The following ZHX2 variants were observed in gnomAD, a reference collection of about 807,000 sequenced individuals.
ZHX2 encodes zinc fingers and homeoboxes protein 2.
ZHX2 carries 6 observed loss-of-function variants against 21.9 expected under a neutral mutation model. The observed-to-expected ratio is 0.27, with a 90% confidence interval of 0.15 to 0.54. The LOEUF is 0.54. Among genes scored for constraint, ZHX2 ranks in the 20% least tolerant of loss-of-function variants. The pLI is 0.95. For synonymous variants in ZHX2, 434 were observed against 437.1 expected (o/e 0.99, Z 0.09); for missense variants, 908 against 1,090.7 (o/e 0.83, Z 2.36).
intron 3 of ZHX2, among the ~76,000 whole-genome samples, chr8:122,971,135 G>C (rs1305392156): frequency 6.6e-6 from 1 of 152,172 alleles, no homozygotes; most frequent in Non-Finnish European, 1.5e-5. Flanking sequence ...GTAAGGAGTA[G>C]ATGAGATGAG....
At chr8:122,955,245 G>A (rs976382923) in intron 3 of ZHX2, among the ~76,000 whole-genome samples, 1 of 120,976 alleles carries the variant, frequency 8.3e-6, no homozygotes, top group African/African-American at 3.6e-5. Flanking sequence ...GGCAGGGGGA[G>A]GGCTGGTGGG....
chr8:122,922,852 CCAGCATAGA>C lies in ZHX2; in HGVS notation c.-219-28439_-219-28431del, dbSNP rs141638355. 2.3e-3 allele frequency among the ~76,000 whole-genome samples: 351 copies of C among 152,310 alleles called. 1 individual carries two copies. Among genetic ancestry groups the C allele is most frequent in the African/African-American group, 8.0e-3 (333 of 41,570 alleles). On this transcript the variant is annotated intron_variant, in intron 2 of 3. Coordinates refer to ENST00000314393, the MANE Select transcript of ZHX2 (RefSeq NM_014943.5). Reference sequence around the variant, plus strand: ...ACACATGAACCACCTAGCAGAGTGGCCAGCATAGAGCTGTTAGTAATATTGTGTAATAGA... The same window carrying C: ...ACACATGAACCACCTAGCAGAGTGGCGCTGTTAGTAATATTGTGTAATAGA...
intron 1 of ZHX2, among the ~76,000 whole-genome samples, chr8:122,831,248 G>C (rs902672529): frequency 6.7e-6 from 1 of 150,072 alleles, no homozygotes; most frequent in South Asian, 2.1e-4. Context: ...ATCTTGCCCA[G>C]GTACCTGGCC....
At chr8:122,867,453 C>T (rs1819326932) in intron 2 of ZHX2, among the ~76,000 whole-genome samples, 1 of 152,224 alleles carries the variant, frequency 6.6e-6, no homozygotes, top group South Asian at 2.1e-4. Context: ...GCCATTTACT[C>T]TCTTTGCATG....
chr8:122,855,146 G>C (rs1454718400), intron 1 of ZHX2, among the ~76,000 whole-genome samples: 1 of 152,178 alleles, frequency 6.6e-6, no homozygotes, highest in Admixed American at 6.5e-5. Context: ...ACACTTTACT[G>C]CCTCCATTTC....
chr8:122,783,764 C>CA (rs1817338620), intron 1 of ZHX2, among the ~76,000 whole-genome samples: 1 of 152,058 alleles, frequency 6.6e-6, no homozygotes, highest in South Asian at 2.1e-4. Flanking sequence ...ATGGGACTAC[C>CA]ATAAAGGTTT....
intron 1 of ZHX2, among the ~76,000 whole-genome samples, chr8:122,862,042 T>G (rs999454754): frequency 1.3e-5 from 2 of 152,140 alleles, no homozygotes; most frequent in African/African-American, 4.8e-5. Context: ...CCCAGAACCT[T>G]CAACTGGGGA....
chr8:122,963,891 G>A (rs765886313), intron 3 of ZHX2, among the ~76,000 whole-genome samples: 1 of 150,722 alleles, frequency 6.6e-6, no homozygotes, highest in East Asian at 2.0e-4. Flanking sequence ...TTGTTTCTTT[G>A]TTTGTTTGTT....
intron 1 of ZHX2, among the ~76,000 whole-genome samples, chr8:122,786,982 C>T (rs1044509318): frequency 6.7e-6 from 1 of 150,108 alleles, no homozygotes; most frequent in African/African-American, 2.5e-5. Context: ...TTCTCTAATG[C>T]CCCCACCCTA....
intron 2 of ZHX2, among the ~76,000 whole-genome samples, chr8:122,882,612 T>C (rs981207843): frequency 5.9e-5 from 9 of 152,134 alleles, no homozygotes; most frequent in African/African-American, 2.2e-4. Flanking sequence ...CCACCCCGCC[T>C]GAGTGGTCTG....
At chr8:122,860,729 G>A (rs1023557736) in intron 1 of ZHX2, among the ~76,000 whole-genome samples, 7 of 152,060 alleles carry the variant, frequency 4.6e-5, no homozygotes, top group African/African-American at 1.7e-4. Flanking sequence ...AGCAGTTGCA[G>A]GCTTTGCTGA....
At chr8:122,921,070 G>GT (rs1820726572) in intron 2 of ZHX2, among the ~76,000 whole-genome samples, 1 of 151,620 alleles carries the variant, frequency 6.6e-6, no homozygotes, top group African/African-American at 2.4e-5. Flanking sequence ...TTTTTTTTTG[G>GT]TTTTGTTTTT....
intron 2 of ZHX2, among the ~76,000 whole-genome samples, chr8:122,878,964 C>T (rs1161695918): frequency 6.6e-6 from 1 of 152,052 alleles, no homozygotes; most frequent in Non-Finnish European, 1.5e-5. Flanking sequence ...CCAAAGTGTC[C>T]ACAGAGACTA....
At chr8:122,910,860 G>A (rs4546668) in intron 2 of ZHX2, among the ~76,000 whole-genome samples, 1 of 151,866 alleles carries the variant, frequency 6.6e-6, no homozygotes, top group Admixed American at 6.6e-5. Context: ...CACTTACGAA[G>A]CACAAATTCA....
Position 122,792,774 on chromosome 8 carries a change from C to A in ZHX2, c.-283+10828C>A, listed in dbSNP as rs574639830. Among the ~76,000 whole-genome samples the A allele has an allele frequency of 2.7e-3, 410 of 152,254 alleles. 5 individuals carry two copies. Among genetic ancestry groups the A allele is most frequent in the African/African-American group, 9.0e-3 (376 of 41,550 alleles). Reference sequence around the variant, plus strand: ...ACCCAGGGCCAGGACTAGAGGAAAGCAAATGAGGTACCCAGCGTGCAAAAT... The same window carrying A: ...ACCCAGGGCCAGGACTAGAGGAAAGAAAATGAGGTACCCAGCGTGCAAAAT... On this transcript the variant is annotated intron_variant, in intron 1 of 3. Coordinates refer to ENST00000314393, the MANE Select transcript of ZHX2 (RefSeq NM_014943.5).
In ZHX2 at chr8:122,853,105, T is replaced by TCCTA. The variant is rs1818941429; in HGVS notation, c.-282-10371_-282-10368dup. Among the ~76,000 whole-genome samples the TCCTA allele has an allele frequency of 2.0e-5, 3 of 152,146 alleles. No individual in the cohort carries two copies. The South Asian group carries it at 6.2e-4, about 32-fold the overall frequency. On this transcript the variant is annotated intron_variant, in intron 1 of 3. Transcript: ENST00000314393. ...CTGCCTCCCACAAGTGCTTCCTGGG[T>TCCTA]CCTATCCCAGGGTTTTTTTGTACTT...
chr8:122,905,437 A>G (rs1255589744), intron 2 of ZHX2, among the ~76,000 whole-genome samples: 1 of 152,230 alleles, frequency 6.6e-6, no homozygotes. Context: ...ATATTTCAGG[A>G]ATGAAGGGGT....
intron 1 of ZHX2, among the ~76,000 whole-genome samples, chr8:122,845,679 G>A (rs1818736643): frequency 6.6e-6 from 1 of 152,234 alleles, no homozygotes; most frequent in Non-Finnish European, 1.5e-5. Flanking sequence ...GCTGCACTTT[G>A]CAGTCTACAA....
chr8:122,844,737 G>GTGTCTGTC (rs968166618), intron 1 of ZHX2, among the ~76,000 whole-genome samples: 2 of 152,138 alleles, frequency 1.3e-5, no homozygotes, highest in Admixed American at 1.3e-4. Flanking sequence ...CTCTCTCTCT[G>GTGTCTGTC]TGTCTGTCTG....
Sources: gnomAD v4.1 joint callset for allele counts (sites outside exome capture counted in the v4.1 genomes callset) on GRCh38, gnomAD v4.1.1 for gene constraint, MANE v1.5 for transcripts, NCBI Gene and HGNC (gene_info 2026-07-23, HGNC 2026-07-21) for gene names.